Variants in GPHN observed in about 807,000 individuals in gnomAD.
The protein encoded by GPHN is gephyrin.
GPHN carries 17 observed loss-of-function variants against 95.5 expected under a neutral mutation model. The ratio of observed to expected loss-of-function variants is 0.18; its 90% CI spans 0.12 to 0.27. The LOEUF (loss-of-function observed/expected upper bound fraction) is 0.27, where lower values mean the gene tolerates loss of function less well. GPHN is among the 10% of genes least tolerant of loss of function. The pLI is 1.00. For missense variants in GPHN, 660 were observed against 978.1 expected, an observed-to-expected ratio of 0.67 and a Z score of 4.34; for synonymous variants, 320 against 322.5, an observed-to-expected ratio of 0.99 and a Z score of 0.08.
chr14:67,641,729 C>G, the GPHN span, among the ~76,000 whole-genome samples: 2 of 152,100 alleles, frequency 1.3e-5, no homozygotes, highest in African/African-American at 4.8e-5. Context: ...CAGTTGAGGT[C>G]AGAAGTTTGA....
the GPHN span, among the ~76,000 whole-genome samples, chr14:67,625,864 A>G: frequency 1.3e-5 from 2 of 152,188 alleles, no homozygotes; most frequent in Non-Finnish European, 2.9e-5. Context: ...AAAGACAACC[A>G]AATTTAAAAA....
chr14:66,959,928 C>A (rs557224777), intron 8 of GPHN, among the ~76,000 whole-genome samples: 2 of 151,844 alleles, frequency 1.3e-5, no homozygotes, highest in African/African-American at 4.8e-5. Flanking sequence ...TTATTTAAGC[C>A]ATGTTGTTAT....
chr14:67,517,424 G>A, the GPHN span, among the ~76,000 whole-genome samples: 357 of 152,176 alleles, frequency 2.3e-3, 2 homozygotes, highest in African/African-American at 8.1e-3. Context: ...TTAGGGACCC[G>A]CAAAAATGTA....
At chr14:67,213,347 A>G in the GPHN span, among the ~76,000 whole-genome samples, 1 of 116,360 alleles carries the variant, frequency 8.6e-6, no homozygotes, top group African/African-American at 3.5e-5. Flanking sequence ...CTGGAGTGTG[A>G]TGTTCCCCTT....
At chr14:67,321,948 G>A in the GPHN span, among the ~76,000 whole-genome samples, 10 of 152,172 alleles carry the variant, frequency 6.6e-5, no homozygotes, top group Non-Finnish European at 1.3e-4. Flanking sequence ...TATTTTTATG[G>A]TTTAAATGCC....
intron 4 of GPHN, among the ~76,000 whole-genome samples, chr14:66,857,941 A>G (rs1302518787): frequency 6.6e-6 from 1 of 152,154 alleles, no homozygotes; most frequent in Non-Finnish European, 1.5e-5. Context: ...GGCTTAACTC[A>G]ACTGAATACT....
chr14:67,455,487 T>C, the GPHN span, among the ~76,000 whole-genome samples: 1 of 152,244 alleles, frequency 6.6e-6, no homozygotes, highest in Admixed American at 6.5e-5. Context: ...CTCCTAGAAC[T>C]ATGTGCTCCT....
chr14:66,563,187 A>G (rs1377641094), intron 1 of GPHN, among the ~76,000 whole-genome samples: 1 of 152,140 alleles, frequency 6.6e-6, no homozygotes. Flanking sequence ...TAATTATTAG[A>G]CTAATAAACG....
intron 1 of GPHN, among the ~76,000 whole-genome samples, chr14:66,525,054 G>T (rs2058632711): frequency 6.6e-6 from 1 of 152,138 alleles, no homozygotes; most frequent in Non-Finnish European, 1.5e-5. Flanking sequence ...TCTGGTTCTA[G>T]ATCCTTGAGG....
chr14:67,654,112 CTTTTA>C, the GPHN span, among the ~76,000 whole-genome samples: 2 of 152,154 alleles, frequency 1.3e-5, no homozygotes, highest in Non-Finnish European at 2.9e-5. Context: ...CGTTCCTTGG[CTTTTA>C]TTTATTTGAA....
chr14:67,051,195 A>G (rs543978447), intron 10 of GPHN, among the ~76,000 whole-genome samples: 19 of 150,202 alleles, frequency 1.3e-4, no homozygotes, highest in Admixed American at 8.0e-4. Context: ...TGCCAAGACA[A>G]CTGAGCTCCT....
At chr14:67,402,779 T>C in the GPHN span, among the ~76,000 whole-genome samples, 1 of 152,240 alleles carries the variant, frequency 6.6e-6, no homozygotes, top group East Asian at 1.9e-4. Flanking sequence ...TATGGCTGAA[T>C]AGTATTCCAT....
At chr14:67,219,505 T>C in the GPHN span, among the ~76,000 whole-genome samples, 1 of 152,202 alleles carries the variant, frequency 6.6e-6, no homozygotes, top group African/African-American at 2.4e-5. Context: ...GTGTCTCTAG[T>C]CAGCCATCTT....
the GPHN span, chr14:67,390,686 G>C: frequency 6.2e-7 from 1 of 1,613,516 alleles, no homozygotes; most frequent in Non-Finnish European, 8.5e-7. Flanking sequence ...TAGTAATGCA[G>C]GAAAGCTGGA....
chr14:67,348,908 TAAAGCC>T, the GPHN span: 1 of 866,772 alleles, frequency 1.2e-6, no homozygotes, highest in Non-Finnish European at 1.8e-6. Context: ...TTTTAACATG[TAAAGCC>T]AATCAACTTG....
chr14:66,656,238 A>G lies in GPHN; in HGVS notation c.65-24869A>G, dbSNP rs141170019. Among the ~76,000 whole-genome samples the G allele has an allele frequency of 9.4e-3, 1,426 of 152,192 alleles. 29 individuals carry two copies. The highest frequency in any genetic ancestry group is 0.033 in the African/African-American group (1,387 of 41,544). On this transcript the variant is annotated intron_variant, in intron 1 of 22. Transcript: ENST00000478722. ...GAATTATTGCCTAGACAGTTTTTGG[A>G]GGAGTTTTAAAATACAAATCCAATG...
chr14:66,624,342 A>G (rs2063435748), intron 1 of GPHN, among the ~76,000 whole-genome samples: 1 of 152,226 alleles, frequency 6.6e-6, no homozygotes, highest in Non-Finnish European at 1.5e-5. Context: ...GTTTTAGTAT[A>G]GGATCTGTAT....
At chr14:67,674,320 C>T in the GPHN span, 2 of 1,458,620 alleles carry the variant, frequency 1.4e-6, no homozygotes, top group Non-Finnish European at 1.8e-6. Context: ...GGAGAATCTT[C>T]CTTCCAAAGC....
At chr14:67,050,333 G>A (rs1486529796) in intron 10 of GPHN, among the ~76,000 whole-genome samples, 1 of 152,140 alleles carries the variant, frequency 6.6e-6, no homozygotes, top group Non-Finnish European at 1.5e-5. Flanking sequence ...AGAAAGCACT[G>A]CTTTACTTTT....
Sources: gnomAD v4.1 joint callset for allele counts (sites outside exome capture counted in the v4.1 genomes callset) on GRCh38, gnomAD v4.1.1 for gene constraint, MANE v1.5 for transcripts, NCBI Gene and HGNC (gene_info 2026-07-23, HGNC 2026-07-21) for gene names.